Variants in GLI3 observed in about 807,000 individuals in gnomAD.
GLI3 encodes transcription activator GLI3.
A neutral mutation model predicts 100.8 loss-of-function variants in GLI3; 20 were observed. The ratio of observed to expected loss-of-function variants is 0.20; its 90% CI spans 0.14 to 0.29. The LOEUF (loss-of-function observed/expected upper bound fraction) is 0.29, where lower values mean the gene tolerates loss of function less well. GLI3 is among the 10% of genes least tolerant of loss of function. The pLI, the probability that GLI3 is intolerant of heterozygous loss-of-function variation, is 1.00. For synonymous variants in GLI3, 938 were observed against 860.5 expected (o/e 1.09, Z -1.58); for missense variants, 2,040 against 2,128.5 (o/e 0.96, Z 0.82).
chr7:42,212,530 T>C (rs938791180), intron 2 of GLI3, among the ~76,000 whole-genome samples: 3 of 152,226 alleles, frequency 2.0e-5, no homozygotes, highest in African/African-American at 4.8e-5. Context: ...AATGTAACCA[T>C]GGTTCCAATA....
intron 1 of GLI3, among the ~76,000 whole-genome samples, chr7:42,262,479 C>T (rs561102694): frequency 6.6e-6 from 1 of 152,234 alleles, no homozygotes; most frequent in East Asian, 1.9e-4. Context: ...AGGCTTGTCT[C>T]AAACTCCTGG....
chr7:42,142,046 G>C (rs573561592), intron 3 of GLI3, among the ~76,000 whole-genome samples: 2 of 152,132 alleles, frequency 1.3e-5, no homozygotes, highest in African/African-American at 4.8e-5. Context: ...AAAGGAGGTC[G>C]GGCCACCAGG....
Position 42,071,172 on chromosome 7 carries a change from G to C in GLI3, c.473+5580C>G, listed in dbSNP as rs78261973. Among the ~76,000 whole-genome samples, 1,088 of 152,260 alleles carry C rather than the reference G, an allele frequency of 7.1e-3. 13 individuals carry two copies. Among genetic ancestry groups the C allele is most frequent in the African/African-American group, 0.024 (1,013 of 41,550 alleles). On this transcript the variant is annotated intron_variant, in intron 4 of 14. Transcript: ENST00000395925. ...GAAATACACAGATCGTCTTCACCCT[G>C]AGAGATGTAATTATAATTTAGTTCA...
chr7:42,048,513 G>C lies in GLI3; in HGVS notation c.657C>G (p.Thr219=). ...TACCATCTGTAGGGCTCAGCCCACG[G>C]GTTGCTGAGATCATGGAGAGCGATG... ...SSPSLSMISA[T]RGLSPTDAPH... Residue 219 remains threonine, a synonymous_variant, in exon 5 of 15, where the codon ACC becomes ACG. Transcript: ENST00000395925. The C allele has an allele frequency of 2.5e-6, 4 of 1,613,046 alleles. No homozygotes were observed. The highest frequency in any genetic ancestry group is 3.4e-6 in the Non-Finnish European group (4 of 1,179,420).
intron 3 of GLI3, among the ~76,000 whole-genome samples, chr7:42,086,499 C>T (rs890388209): frequency 1.3e-5 from 2 of 152,122 alleles, no homozygotes; most frequent in African/African-American, 4.8e-5. Context: ...ATAGCCTCCC[C>T]ACTCCAGCCC....
Position 41,961,077 on chromosome 7 carries a change from G to A in GLI3, c.*3253C>T. The A allele has an allele frequency of 6.6e-6, 1 of 152,606 alleles. No homozygotes were observed. The highest frequency in any genetic ancestry group is 1.5e-5 in the Non-Finnish European group (1 of 68,036). The allele number at this position is 152,606 out of a possible 1,614,324, so 9.5% of individuals were successfully genotyped here. ...GCTGGGCTGCAGCCCCTGGGCTTGA[G>A]GTGGGCGTGATCACGGGGAATGCAG... On this transcript the variant is annotated 3_prime_UTR_variant, in exon 15 of 15. Coordinates refer to ENST00000395925, the MANE Select transcript of GLI3 (RefSeq NM_000168.6).
At chr7:42,210,995 G>A (rs998916318) in intron 2 of GLI3, among the ~76,000 whole-genome samples, 3 of 152,254 alleles carry the variant, frequency 2.0e-5, no homozygotes, top group African/African-American at 7.2e-5. Context: ...GCTGATATGT[G>A]TGTGTGTGAA....
intron 3 of GLI3, among the ~76,000 whole-genome samples, chr7:42,095,843 G>A (rs1478864373): frequency 6.6e-6 from 1 of 152,148 alleles, no homozygotes; most frequent in African/African-American, 2.4e-5. Context: ...CGGGAGAGGC[G>A]ATCACAGGAG....
At chr7:42,172,832 C>T (rs956298867) in intron 2 of GLI3, 12 of 560,132 alleles carry the variant, frequency 2.1e-5, no homozygotes, top group Non-Finnish European at 3.5e-5. Context: ...CACCTTCTAC[C>T]TAATATCACT....
chr7:42,196,668 C>T (rs755047320), intron 2 of GLI3, among the ~76,000 whole-genome samples: 2 of 152,200 alleles, frequency 1.3e-5, no homozygotes, highest in Non-Finnish European at 2.9e-5. Context: ...CTGCTTCTGA[C>T]ATGAAGATTC....
intron 3 of GLI3, among the ~76,000 whole-genome samples, chr7:42,139,495 C>A (rs1368727885): frequency 6.6e-6 from 1 of 152,122 alleles, no homozygotes; most frequent in Non-Finnish European, 1.5e-5. Flanking sequence ...GCCTGGACAA[C>A]ATGGTGAAAC....
At chr7:42,001,539 T>C (rs1788297091) in intron 10 of GLI3, among the ~76,000 whole-genome samples, 1 of 152,154 alleles carries the variant, frequency 6.6e-6, no homozygotes. Flanking sequence ...GCAATCCATT[T>C]TAGAAAATAT....
At chr7:41,987,134 A>ACACACACT (rs1787853601) in intron 10 of GLI3, among the ~76,000 whole-genome samples, 4 of 151,738 alleles carry the variant, frequency 2.6e-5, no homozygotes, top group Non-Finnish European at 4.4e-5. Context: ...ACACACACAC[A>ACACACACT]CACAGATGGG....
intron 10 of GLI3, among the ~76,000 whole-genome samples, chr7:42,010,030 T>A (rs1267808096): frequency 2.0e-5 from 3 of 152,202 alleles, no homozygotes; most frequent in Non-Finnish European, 2.9e-5. Flanking sequence ...TCCATTGAGA[T>A]CTATATTCTT....
chr7:42,181,137 C>T (rs1287258721), intron 2 of GLI3, among the ~76,000 whole-genome samples: 1 of 152,202 alleles, frequency 6.6e-6, no homozygotes, highest in Non-Finnish European at 1.5e-5. Flanking sequence ...CTGGGTTTGG[C>T]CCTCCAACTA....
At chr7:42,241,568 G>A (rs949427549), upstream of GLI3, among the ~76,000 whole-genome samples, 5 of 152,212 alleles carry the variant, frequency 3.3e-5, no homozygotes, top group African/African-American at 1.2e-4. Flanking sequence ...CAGCTGCCAG[G>A]AAGGAGAATA....
chr7:42,073,350 G>A (rs186374632), intron 4 of GLI3, among the ~76,000 whole-genome samples: 3 of 152,184 alleles, frequency 2.0e-5, no homozygotes, highest in Admixed American at 6.5e-5. Flanking sequence ...ACGTATTTCC[G>A]TACATATTTA....
At position 42,110,290 on chromosome 7, in the gene GLI3, T is replaced by C. The variant is rs556168054; in HGVS notation, c.368-33433A>G. On this transcript the variant is annotated intron_variant, in intron 3 of 14. Coordinates refer to ENST00000395925, the MANE Select transcript of GLI3 (RefSeq NM_000168.6). Reference sequence around the variant, plus strand: ...TTAAAAATTCCTTTTACAACCAACTTTTCTAAAAATCCAGCATAGGATACC... The same window carrying C: ...TTAAAAATTCCTTTTACAACCAACTCTTCTAAAAATCCAGCATAGGATACC... 2.0e-5 allele frequency among the ~76,000 whole-genome samples: 3 copies of C among 152,354 alleles called. No individual in the cohort carries two copies. The South Asian group carries it at 6.2e-4, about 32-fold the overall frequency.
chr7:42,155,440 CAA>C (rs570132468), intron 2 of GLI3, among the ~76,000 whole-genome samples: 15 of 121,420 alleles, frequency 1.2e-4, no homozygotes, highest in Non-Finnish European at 9.0e-5. Flanking sequence ...ACTCAGTCTC[CAA>C]AAAAAAAAAA....
Sources: gnomAD v4.1 joint callset for allele counts (sites outside exome capture counted in the v4.1 genomes callset) on GRCh38, gnomAD v4.1.1 for gene constraint, MANE v1.5 for transcripts, NCBI Gene and HGNC (gene_info 2026-07-23, HGNC 2026-07-21) for gene names.